EDN1: variants seen among roughly 807,000 people sequenced by gnomAD.
EDN1 encodes the protein endothelin-1.
EDN1 carries 11 observed loss-of-function variants against 21.7 expected under a neutral mutation model. The observed-to-expected ratio is 0.51, with a 90% CI of 0.32 to 0.84. The LOEUF (loss-of-function observed/expected upper bound fraction) is 0.84, where lower values mean the gene tolerates loss of function less well. EDN1 is among the 40% of genes least tolerant of loss of function. The probability of loss-of-function intolerance (pLI) is 0.03; values close to 1 mark genes in which losing one functional copy is unlikely to be tolerated. For missense variants in EDN1, 244 were observed against 262.3 expected (o/e 0.93, Z 0.48); for synonymous variants, 85 against 90.6 (o/e 0.94, Z 0.35).
chr6:12,267,944 C>T, the EDN1 span, among the ~76,000 whole-genome samples: 1 of 152,188 alleles, frequency 6.6e-6, no homozygotes, highest in African/African-American at 2.4e-5. Context: ...CTAAAAGCTG[C>T]TCTTCTTGTG....
At chr6:12,249,643 T>C in the EDN1 span, among the ~76,000 whole-genome samples, 1 of 151,852 alleles carries the variant, frequency 6.6e-6, no homozygotes, top group Non-Finnish European at 1.5e-5. Context: ...ACAAGTGCTA[T>C]AGGATATGAT....
At chr6:12,234,789 T>C in the EDN1 span, among the ~76,000 whole-genome samples, 1 of 152,180 alleles carries the variant, frequency 6.6e-6, no homozygotes, top group Non-Finnish European at 1.5e-5. Context: ...CATTCAGAGA[T>C]GGGGACTTCA....
chr6:12,271,165 C>A, the EDN1 span, among the ~76,000 whole-genome samples: 1 of 151,896 alleles, frequency 6.6e-6, no homozygotes. Context: ...GAAATTTAAT[C>A]CATTTACATT....
chr6:12,233,587 G>A, the EDN1 span, among the ~76,000 whole-genome samples: 2 of 152,152 alleles, frequency 1.3e-5, no homozygotes, highest in Non-Finnish European at 2.9e-5. Context: ...TTATAATACA[G>A]ATGTTATTAT....
chr6:12,258,836 C>T, the EDN1 span, among the ~76,000 whole-genome samples: 1 of 152,196 alleles, frequency 6.6e-6, no homozygotes, highest in Admixed American at 6.5e-5. Flanking sequence ...CTCCCTAACA[C>T]CATGATGAAA....
chr6:12,233,673 C>T, the EDN1 span, among the ~76,000 whole-genome samples: 4 of 152,102 alleles, frequency 2.6e-5, no homozygotes, highest in African/African-American at 4.8e-5. Context: ...AGTGGCATCA[C>T]GCTGGCATGT....
At chr6:12,277,562 G>A in the EDN1 span, among the ~76,000 whole-genome samples, 24 of 152,188 alleles carry the variant, frequency 1.6e-4, no homozygotes, top group African/African-American at 5.6e-4. Context: ...TCTTGCAGAC[G>A]AAAACAATGG....
chr6:12,287,314 T>C (rs563418244), upstream of EDN1, among the ~76,000 whole-genome samples: 57 of 152,102 alleles, frequency 3.7e-4, no homozygotes, highest in African/African-American at 1.2e-3. Context: ...CTATCCTTCA[T>C]ATTCACTCCT....
chr6:12,262,593 C>T, the EDN1 span, among the ~76,000 whole-genome samples: 3 of 152,086 alleles, frequency 2.0e-5, no homozygotes, highest in African/African-American at 4.8e-5. Flanking sequence ...TTTTCAAGGC[C>T]GGGTACGGCA....
the EDN1 span, among the ~76,000 whole-genome samples, chr6:12,240,656 T>C: frequency 7.6e-4 from 116 of 152,292 alleles, no homozygotes; most frequent in African/African-American, 2.7e-3. Context: ...TGGGATTCTT[T>C]ATCTGGGAGT....
At chr6:12,241,140 CT>C in the EDN1 span, among the ~76,000 whole-genome samples, 4 of 149,716 alleles carry the variant, frequency 2.7e-5, no homozygotes, top group Admixed American at 1.3e-4. Context: ...TTAGGATGCA[CT>C]TTTTTTTCTT....
At chr6:12,287,766 G>A (rs1762586400), upstream of EDN1, among the ~76,000 whole-genome samples, 1 of 150,160 alleles carries the variant, frequency 6.7e-6, no homozygotes, top group East Asian at 2.0e-4. Flanking sequence ...GCGCGCGCGC[G>A]CGCGCGCAGG....
At chr6:12,259,783 G>A in the EDN1 span, among the ~76,000 whole-genome samples, 1 of 151,934 alleles carries the variant, frequency 6.6e-6, no homozygotes, top group African/African-American at 2.4e-5. Context: ...ATACCTTAAG[G>A]ATAATTAGTT....
the EDN1 span, among the ~76,000 whole-genome samples, chr6:12,231,083 AT>A: frequency 6.6e-6 from 1 of 152,180 alleles, no homozygotes; most frequent in East Asian, 1.9e-4. Context: ...GTGTAATTAT[AT>A]TTTAATAAAA....
chr6:12,233,113 T>G, the EDN1 span, among the ~76,000 whole-genome samples: 1 of 152,186 alleles, frequency 6.6e-6, no homozygotes, highest in Non-Finnish European at 1.5e-5. Flanking sequence ...TTTACAGGGG[T>G]ATTTCCCACA....
the EDN1 span, among the ~76,000 whole-genome samples, chr6:12,254,195 G>T: frequency 2.0e-5 from 3 of 152,086 alleles, no homozygotes. Context: ...TATCTCATTT[G>T]TTGCTTTTTA....
chr6:12,253,334 G>A, the EDN1 span, among the ~76,000 whole-genome samples: 295 of 152,312 alleles, frequency 1.9e-3, 3 homozygotes, highest in African/African-American at 6.8e-3. Flanking sequence ...TCTAGTCAAT[G>A]AGATTACAAC....
the EDN1 span, among the ~76,000 whole-genome samples, chr6:12,272,284 T>C: frequency 1.3e-5 from 2 of 152,024 alleles, no homozygotes; most frequent in Non-Finnish European, 2.9e-5. Context: ...GTTTCAGATA[T>C]AGGGTGAGGA....
chr6:12,295,932 C>G (rs765274800), intron 4 of EDN1, 30 bp from the exon 5 acceptor site: 3 of 1,603,660 alleles, frequency 1.9e-6, no homozygotes, highest in African/African-American at 2.7e-5. Flanking sequence ...TTTAAAATAA[C>G]ATTTGTTTTC....
Sources: gnomAD v4.1 joint callset for allele counts (sites outside exome capture counted in the v4.1 genomes callset) on GRCh38, gnomAD v4.1.1 for gene constraint, MANE v1.5 for transcripts, NCBI Gene and HGNC (gene_info 2026-07-23, HGNC 2026-07-21) for gene names.